The following COMMD7 variants were observed in gnomAD, a reference collection of about 807,000 sequenced individuals.
The protein encoded by COMMD7 is COMM domain containing 7, also known as COMM domain-containing protein 7.
A neutral mutation model predicts 34.8 loss-of-function variants in COMMD7; 28 were observed. The observed-to-expected ratio is 0.80, with a 90% confidence interval of 0.60 to 1.10. The LOEUF (loss-of-function observed/expected upper bound fraction) is 1.10. Among genes scored for constraint, COMMD7 ranks in the 50% least tolerant of loss-of-function variants. The pLI is 0.00. For missense variants in COMMD7, 211 were observed against 241.6 expected (o/e 0.87, Z 0.84); for synonymous variants, 80 against 86.4 (o/e 0.93, Z 0.41).
chr20:32,708,094 G>A (rs1338179394), intron 3 of COMMD7, among the ~76,000 whole-genome samples: 1 of 152,186 alleles, frequency 6.6e-6, no homozygotes, highest in Non-Finnish European at 1.5e-5. Flanking sequence ...CACTTCCAGA[G>A]GGGCTGTCAA....
chr20:32,703,697 G>T, intron 8 of COMMD7: 3 of 1,439,128 alleles, frequency 2.1e-6, no homozygotes, highest in Non-Finnish European at 2.7e-6. Context: ...GGCACAAAGA[G>T]ATGAAAGGGT....
intron 5 of COMMD7, among the ~76,000 whole-genome samples, chr20:32,705,923 C>T (rs1047412017): frequency 1.1e-4 from 16 of 151,794 alleles, no homozygotes; most frequent in African/African-American, 7.3e-5. Flanking sequence ...AAGGGGCTGG[C>T]GGTGGTGGTT....
chr20:32,725,909 A>C (rs1336139778), intron 3 of COMMD7, among the ~76,000 whole-genome samples: 1 of 151,534 alleles, frequency 6.6e-6, no homozygotes, highest in Non-Finnish European at 1.5e-5. Flanking sequence ...ATAATAATAC[A>C]AAAAATAGCC....
intron 1 of COMMD7, among the ~76,000 whole-genome samples, chr20:32,731,409 T>C (rs1985831127): frequency 1.3e-5 from 2 of 152,166 alleles, no homozygotes; most frequent in Non-Finnish European, 2.9e-5. Flanking sequence ...GGTGGAAGGA[T>C]TGCTTGAGCC....
intron 3 of COMMD7, among the ~76,000 whole-genome samples, chr20:32,720,230 C>T (rs1026760655): frequency 4.6e-5 from 7 of 152,192 alleles, no homozygotes; most frequent in Non-Finnish European, 1.0e-4. Flanking sequence ...CACAGTGGCT[C>T]ACGCCTATAA....
chr20:32,734,345 C>A (rs1252325521), intron 1 of COMMD7, among the ~76,000 whole-genome samples: 1 of 151,144 alleles, frequency 6.6e-6, no homozygotes, highest in Non-Finnish European at 1.5e-5. Context: ...TGGTGGCATG[C>A]GCCTGTAATC....
chr20:32,706,198 CAAA>C (rs750061575), intron 5 of COMMD7, among the ~76,000 whole-genome samples: 4 of 106,294 alleles, frequency 3.8e-5, no homozygotes, highest in Admixed American at 1.0e-4. Flanking sequence ...AACTCTGTCT[CAAA>C]AAAAAAAAAA....
Position 32,706,685 on chromosome 20 carries a change from AC to A in COMMD7, c.298+18del. The stretch of plus-strand genomic sequence containing the variant: ...CCTCAGAAGCCAGTCACCCTGAGCA[AC>A]CCTGGCCAATGACCTACCCAGAGTT... On this transcript the variant is annotated intron_variant, in intron 4 of 8. Coordinates refer to ENST00000278980, the MANE Select transcript of COMMD7 (RefSeq NM_053041.3). The A allele has an allele frequency of 2.5e-6, 4 of 1,613,766 alleles. No homozygotes were observed. Among genetic ancestry groups the A allele is most frequent in the Non-Finnish European group, 3.4e-6 (4 of 1,179,774 alleles).
chr20:32,732,143 C>T (rs945008164), intron 1 of COMMD7, among the ~76,000 whole-genome samples: 6 of 152,136 alleles, frequency 3.9e-5, no homozygotes, highest in African/African-American at 9.7e-5. Flanking sequence ...AGTGCAGTGG[C>T]GCAATCACGG....
chr20:32,718,200 C>G (rs563004275), intron 3 of COMMD7, among the ~76,000 whole-genome samples: 2 of 150,576 alleles, frequency 1.3e-5, no homozygotes, highest in Non-Finnish European at 3.0e-5. Context: ...GTCAGGAGAT[C>G]GAGACCATCC....
At chr20:32,707,343 G>A (rs1326735063) in intron 3 of COMMD7, among the ~76,000 whole-genome samples, 7 of 129,984 alleles carry the variant, frequency 5.4e-5, no homozygotes, top group East Asian at 2.2e-4. Flanking sequence ...TTTTTGAGAC[G>A]GAGTCTCGCT....
chr20:32,739,591 G>A (rs2145791110), intron 1 of COMMD7, among the ~76,000 whole-genome samples: 1 of 123,016 alleles, frequency 8.1e-6, no homozygotes, highest in East Asian at 2.7e-4. Flanking sequence ...CTTGCAGTGA[G>A]TCGAGATTGC....
chr20:32,732,860 T>G (rs1985917890), intron 1 of COMMD7, among the ~76,000 whole-genome samples: 1 of 151,460 alleles, frequency 6.6e-6, no homozygotes, highest in Non-Finnish European at 1.5e-5. Flanking sequence ...GGCATGAACC[T>G]GGGAGGTGGA....
intron 3 of COMMD7, among the ~76,000 whole-genome samples, chr20:32,722,176 C>T (rs944167111): frequency 2.2e-5 from 3 of 134,416 alleles, no homozygotes; most frequent in African/African-American, 5.7e-5. Flanking sequence ...ACCTTGTCGA[C>T]GGAATTTGCA....
chr20:32,728,781 G>A (rs1398362785), intron 1 of COMMD7, among the ~76,000 whole-genome samples: 1 of 151,736 alleles, frequency 6.6e-6, no homozygotes, highest in African/African-American at 2.4e-5. Flanking sequence ...GCCCAGGATG[G>A]TCTCAAACTC....
chr20:32,729,871 G>A (rs1459647334), intron 1 of COMMD7, among the ~76,000 whole-genome samples: 2 of 151,840 alleles, frequency 1.3e-5, no homozygotes. Flanking sequence ...AAATTAGCCA[G>A]GCGTGGTGGC....
intron 1 of COMMD7, among the ~76,000 whole-genome samples, chr20:32,739,433 C>T (rs192443189): frequency 3.2e-4 from 48 of 151,870 alleles, no homozygotes; most frequent in African/African-American, 1.1e-3. Flanking sequence ...ATCACGAGGT[C>T]AGGAGATAAA....
chr20:32,728,034 T>C, intron 2 of COMMD7, 39 bp from the exon 3 acceptor site: 1 of 1,612,594 alleles, frequency 6.2e-7, no homozygotes, highest in Non-Finnish European at 8.5e-7. Flanking sequence ...GCCTTCACTT[T>C]CTAAGCATCT....
At chr20:32,737,146 C>T (rs1986172680) in intron 1 of COMMD7, among the ~76,000 whole-genome samples, 1 of 151,200 alleles carries the variant, frequency 6.6e-6, no homozygotes, top group African/African-American at 2.5e-5. Flanking sequence ...CGCGCCACTG[C>T]ATTCCAGCCT....
Sources: allele counts gnomAD v4.1 joint callset (sites outside exome capture counted in the v4.1 genomes callset), GRCh38; gene constraint gnomAD v4.1.1; transcripts MANE v1.5; gene names NCBI Gene and HGNC (gene_info 2026-07-23, HGNC 2026-07-21).